MAPK8: variants seen among roughly 807,000 people sequenced by gnomAD.
MAPK8 encodes the protein mitogen-activated protein kinase 8.
MAPK8 carries 13 observed loss-of-function variants against 52.9 expected under a neutral mutation model. The observed-to-expected ratio is 0.25, with a 90% CI of 0.16 to 0.39. MAPK8 has a LOEUF of 0.39. Among genes scored for constraint, MAPK8 ranks in the 10% least tolerant of loss-of-function variants. MAPK8 has a pLI of 1.00. For missense variants in MAPK8, 300 were observed against 519.2 expected (o/e 0.58, Z 4.10); for synonymous variants, 191 against 169.8 (o/e 1.12, Z -0.97).
intron 6 of MAPK8, among the ~76,000 whole-genome samples, chr10:48,421,238 T>A (rs574789595): frequency 1.5e-3 from 234 of 152,322 alleles, no homozygotes; most frequent in African/African-American, 5.2e-3. Context: ...TGAGCTTGAT[T>A]TTCTGAGCTG....
At chr10:48,430,984 CT>C (rs572990695) in intron 10 of MAPK8, 212 of 581,996 alleles carry the variant, frequency 3.6e-4, no homozygotes, top group African/African-American at 3.6e-3. Context: ...AAGATTAGTA[CT>C]TCCTTTTAAT....
rs189308800 is a variant in MAPK8 at position 48,313,006 on chromosome 10, G to C, written c.-50+6185G>C. ...TATAATCCTTTGTTCAAAATCCTTG[G>C]TCCAGATGTATTTTAGAATGAAGGC... On this transcript the variant is annotated intron_variant, in intron 1 of 11. Coordinates refer to ENST00000374189, the MANE Select transcript of MAPK8 (RefSeq NM_001323329.2). 9.2e-5 allele frequency among the ~76,000 whole-genome samples: 14 copies of C among 152,216 alleles called. 1 individual carries two copies. In the East Asian group the frequency reaches 2.7e-3, roughly 29 times the overall value.
chr10:48,332,445 C>T (rs954754254), intron 1 of MAPK8, among the ~76,000 whole-genome samples: 5 of 152,164 alleles, frequency 3.3e-5, no homozygotes, highest in African/African-American at 7.2e-5. Flanking sequence ...GTAATATAGA[C>T]GTTAGCTCTC....
chr10:48,373,780 C>T, intron 1 of MAPK8, among the ~76,000 whole-genome samples: 1 of 151,974 alleles, frequency 6.6e-6, no homozygotes, highest in South Asian at 2.1e-4. Flanking sequence ...TAGAGGCAGA[C>T]TCCCACACAA....
chr10:48,359,881 A>C (rs968964527), intron 1 of MAPK8, among the ~76,000 whole-genome samples: 3 of 152,260 alleles, frequency 2.0e-5, no homozygotes, highest in African/African-American at 7.2e-5. Flanking sequence ...CACAGAAAGC[A>C]TGAAAAGGAT....
intron 5 of MAPK8, among the ~76,000 whole-genome samples, chr10:48,418,017 A>G (rs2043155121): frequency 6.6e-6 from 1 of 152,232 alleles, no homozygotes; most frequent in African/African-American, 2.4e-5. Flanking sequence ...CGTCACAGCT[A>G]CAAGACTCTG....
chr10:48,372,123 TATC>T (rs1369525378), intron 1 of MAPK8, among the ~76,000 whole-genome samples: 1 of 152,136 alleles, frequency 6.6e-6, no homozygotes, highest in East Asian at 1.9e-4. Context: ...GCCATTGGTT[TATC>T]GACTCAACCT....
intron 3 of MAPK8, among the ~76,000 whole-genome samples, chr10:48,408,475 T>TA: frequency 6.6e-6 from 1 of 152,256 alleles, no homozygotes; most frequent in Admixed American, 6.5e-5. Flanking sequence ...CAAAACATTT[T>TA]AAAAATGACA....
At chr10:48,353,982 C>T (rs1846589702) in intron 1 of MAPK8, among the ~76,000 whole-genome samples, 1 of 152,064 alleles carries the variant, frequency 6.6e-6, no homozygotes, top group Non-Finnish European at 1.5e-5. Context: ...CACAAATCTG[C>T]ACCTGTGATA....
intron 1 of MAPK8, among the ~76,000 whole-genome samples, chr10:48,358,644 G>T (rs1029066712): frequency 2.0e-5 from 3 of 152,092 alleles, no homozygotes; most frequent in African/African-American, 7.2e-5. Flanking sequence ...GTTTTCTTTT[G>T]TTGCTTGTGC....
rs61020424 is a variant in MAPK8 at position 48,340,515 on chromosome 10, C to G, written c.-50+33694C>G. On this transcript the variant is annotated intron_variant, in intron 1 of 11. Coordinates refer to ENST00000374189, the MANE Select transcript of MAPK8 (RefSeq NM_001323329.2). ...GCAATGTACCCATGTAACAAACCTG[C>G]GTATGTGCCCCCTGAATCTATACTT... Among the ~76,000 whole-genome samples, 456 of 151,836 alleles carry G rather than the reference C, an allele frequency of 3.0e-3. 4 individuals are homozygous for G. The highest frequency in any genetic ancestry group is 0.011 in the African/African-American group (444 of 41,134).
At chr10:48,423,596 A>G (rs942873763) in intron 6 of MAPK8, among the ~76,000 whole-genome samples, 2 of 152,326 alleles carry the variant, frequency 1.3e-5, no homozygotes, top group East Asian at 1.9e-4. Flanking sequence ...TAACTTTTTT[A>G]TCATAATTAT....
rs1318402383 is a variant in MAPK8 at position 48,438,196 on chromosome 10, T to G, written c.*3167T>G. 1 of 152,236 alleles carries G rather than the reference T, an allele frequency of 6.6e-6. No homozygotes were observed. Among genetic ancestry groups the G allele is most frequent in the African/African-American group, 2.4e-5 (1 of 41,462 alleles). The allele number at this position is 152,236 out of a possible 1,614,324, so 9.4% of individuals were successfully genotyped here. ...ATGAAGCCCCATGACACCAGTAAAC[T>G]TCTCTTACCAGTAGGTAAACCAAAC... On this transcript the variant is annotated 3_prime_UTR_variant, in exon 12 of 12. Coordinates refer to ENST00000374189, the MANE Select transcript of MAPK8 (RefSeq NM_001323329.2).
intron 5 of MAPK8, among the ~76,000 whole-genome samples, chr10:48,418,984 G>A (rs560255113): frequency 3.9e-5 from 6 of 152,236 alleles, no homozygotes; most frequent in African/African-American, 1.2e-4. Context: ...TAAACATGCA[G>A]TGTTTCTTTG....
chr10:48,332,912 T>C (rs1379430501), intron 1 of MAPK8, among the ~76,000 whole-genome samples: 1 of 152,194 alleles, frequency 6.6e-6, no homozygotes, highest in African/African-American at 2.4e-5. Context: ...CTTTAGGGCC[T>C]GGTTAAGAGC....
At chr10:48,401,338 G>A (rs1174102956) in intron 1 of MAPK8, among the ~76,000 whole-genome samples, 3 of 151,972 alleles carry the variant, frequency 2.0e-5, no homozygotes, top group South Asian at 2.1e-4. Context: ...TCTTTTGTTC[G>A]TCTTGTAAGT....
chr10:48,327,218 T>G (rs1397053860), intron 1 of MAPK8, among the ~76,000 whole-genome samples: 1 of 152,024 alleles, frequency 6.6e-6, no homozygotes, highest in Non-Finnish European at 1.5e-5. Flanking sequence ...TTGAGGGGAG[T>G]AGAGTAGATT....
intron 1 of MAPK8, among the ~76,000 whole-genome samples, chr10:48,316,935 G>C (rs1032808661): frequency 3.3e-5 from 5 of 152,080 alleles, no homozygotes; most frequent in African/African-American, 1.2e-4. Flanking sequence ...TATCCTAATG[G>C]TATAGGAGCT....
intron 1 of MAPK8, among the ~76,000 whole-genome samples, chr10:48,389,440 C>A (rs1167745421): frequency 6.6e-6 from 1 of 152,182 alleles, no homozygotes; most frequent in East Asian, 1.9e-4. Flanking sequence ...ACATGTGGTT[C>A]TGCCACTTTG....
Sources: allele counts gnomAD v4.1 joint callset (sites outside exome capture counted in the v4.1 genomes callset), GRCh38; gene constraint gnomAD v4.1.1; transcripts MANE v1.5; gene names NCBI Gene and HGNC (gene_info 2026-07-23, HGNC 2026-07-21).